Variants in AGBL4 observed in about 807,000 individuals in gnomAD.
The protein encoded by AGBL4 is AGBL carboxypeptidase 4.
In AGBL4, 58 loss-of-function variants were observed where a neutral mutation model predicts 66.4. The observed-to-expected ratio is 0.87, with a 90% confidence interval of 0.71 to 1.09. The LOEUF is 1.09. AGBL4 is among the 50% of genes least tolerant of loss of function. AGBL4 has a pLI of 0.00. For missense variants in AGBL4, 579 were observed against 631.0 expected, an observed-to-expected ratio of 0.92 and a Z score of 0.88; for synonymous variants, 234 against 222.9, an observed-to-expected ratio of 1.05 and a Z score of -0.44.
At chr1:49,843,489 T>C (rs1325519968) in intron 2 of AGBL4, among the ~76,000 whole-genome samples, 1 of 152,218 alleles carries the variant, frequency 6.6e-6, no homozygotes, top group Non-Finnish European at 1.5e-5. Flanking sequence ...CCACATTCCT[T>C]GGCTATGGCC....
rs190927741 is a variant in AGBL4 at position 48,713,470 on chromosome 1, G to A, written c.635-50229C>T. 3.5e-3 allele frequency among the ~76,000 whole-genome samples: 535 copies of A among 152,302 alleles called. 2 individuals carry two copies. The highest frequency in any genetic ancestry group is 4.9e-3 in the Non-Finnish European group (336 of 68,026). ...GGGGGTGCTGCGTCCGCAGTGGGAA[G>A]CACAGAGCAGCTCTGGCACTGGAGA... On this transcript the variant is annotated intron_variant, in intron 6 of 13. Coordinates refer to ENST00000371839, the MANE Select transcript of AGBL4 (RefSeq NM_032785.4).
At chr1:49,611,811 A>G (rs1645160834) in intron 3 of AGBL4, among the ~76,000 whole-genome samples, 1 of 152,202 alleles carries the variant, frequency 6.6e-6, no homozygotes, top group South Asian at 2.1e-4. Flanking sequence ...AAGAAAATAC[A>G]TTGTTCAGGT....
intron 3 of AGBL4, among the ~76,000 whole-genome samples, chr1:49,597,679 A>G (rs1644876853): frequency 6.6e-6 from 1 of 152,222 alleles, no homozygotes; most frequent in Non-Finnish European, 1.5e-5. Flanking sequence ...AAAGAGTGGC[A>G]TTACCTGTCC....
intron 5 of AGBL4, among the ~76,000 whole-genome samples, chr1:48,944,096 C>A (rs1463309708): frequency 2.0e-5 from 3 of 152,102 alleles, no homozygotes; most frequent in Admixed American, 1.3e-4. Flanking sequence ...AGGCACTGGC[C>A]TGCCTCATTG....
intron 11 of AGBL4, among the ~76,000 whole-genome samples, chr1:48,559,395 A>G (rs1644364806): frequency 6.6e-6 from 1 of 152,174 alleles, no homozygotes. Context: ...ATAGTCAACC[A>G]GACAATAAGA....
At chr1:49,359,534 T>A (rs539419436) in intron 3 of AGBL4, among the ~76,000 whole-genome samples, 2 of 152,162 alleles carry the variant, frequency 1.3e-5, no homozygotes, top group Non-Finnish European at 2.9e-5. Context: ...CTAGCTTGTG[T>A]CAGGGGCTAT....
At chr1:49,704,343 T>G (rs965771945) in intron 2 of AGBL4, among the ~76,000 whole-genome samples, 2 of 152,086 alleles carry the variant, frequency 1.3e-5, no homozygotes, top group Admixed American at 6.6e-5. Flanking sequence ...ATGAGCAATT[T>G]ACTTTAACAA....
intron 3 of AGBL4, among the ~76,000 whole-genome samples, chr1:49,503,903 G>A (rs1648434323): frequency 6.6e-6 from 1 of 152,124 alleles, no homozygotes; most frequent in African/African-American, 2.4e-5. Context: ...ATGCTGGAAT[G>A]CATGAAGACT....
At chr1:49,061,561 A>G (rs1300210715) in intron 4 of AGBL4, among the ~76,000 whole-genome samples, 1 of 152,166 alleles carries the variant, frequency 6.6e-6, no homozygotes, top group African/African-American at 2.4e-5. Context: ...AGGAAGTCCT[A>G]CCTAATGGTG....
chr1:49,262,342 A>G (rs1653269695), intron 3 of AGBL4, among the ~76,000 whole-genome samples: 1 of 152,210 alleles, frequency 6.6e-6, no homozygotes, highest in African/African-American at 2.4e-5. Context: ...GCACAGCAAA[A>G]GAAACTACCT....
At chr1:49,939,656 A>G (rs1654522673) in intron 1 of AGBL4, among the ~76,000 whole-genome samples, 1 of 152,238 alleles carries the variant, frequency 6.6e-6, no homozygotes, top group Admixed American at 6.5e-5. Context: ...CCATATGTAG[A>G]AAGCTGAAAT....
chr1:49,931,799 A>T (rs1653390675), intron 1 of AGBL4, among the ~76,000 whole-genome samples: 7 of 152,214 alleles, frequency 4.6e-5, no homozygotes, highest in African/African-American at 1.7e-4. Context: ...GAGGACCTAG[A>T]AGAGCCAAAA....
chr1:49,656,892 C>G (rs1176559406), intron 3 of AGBL4, among the ~76,000 whole-genome samples: 1 of 152,118 alleles, frequency 6.6e-6, no homozygotes, highest in Non-Finnish European at 1.5e-5. Context: ...AAACCCACAG[C>G]CAATATCATA....
At chr1:48,653,578 T>A in intron 7 of AGBL4, 127 bp from the exon 8 acceptor site, 1 of 657,622 alleles carries the variant, frequency 1.5e-6, no homozygotes, top group South Asian at 1.9e-5. Context: ...TTGGCCACTG[T>A]GGGTGTGTGG....
intron 6 of AGBL4, chr1:48,776,742 C>T: frequency 6.5e-7 from 1 of 1,527,930 alleles, no homozygotes; most frequent in Non-Finnish European, 8.8e-7. Context: ...TGTCAAAATC[C>T]AGCCGCGAGC....
chr1:49,969,157 G>A (rs1283927218), intron 1 of AGBL4, among the ~76,000 whole-genome samples: 1 of 152,066 alleles, frequency 6.6e-6, no homozygotes. Flanking sequence ...CAAGTTTCTT[G>A]GTTAAAATAA....
At chr1:49,101,678 T>G (rs1157069801) in intron 4 of AGBL4, among the ~76,000 whole-genome samples, 2 of 152,150 alleles carry the variant, frequency 1.3e-5, no homozygotes, top group African/African-American at 4.8e-5. Context: ...TAAGTGTGTG[T>G]GTATTGATTT....
At chr1:49,125,182 A>AT (rs1379055790) in intron 4 of AGBL4, among the ~76,000 whole-genome samples, 1 of 152,180 alleles carries the variant, frequency 6.6e-6, no homozygotes, top group East Asian at 1.9e-4. Context: ...ATTTTGGTGC[A>AT]TTTTCTGGAA....
chr1:49,343,092 T>C (rs1645573057), intron 3 of AGBL4, among the ~76,000 whole-genome samples: 1 of 152,188 alleles, frequency 6.6e-6, no homozygotes, highest in East Asian at 1.9e-4. Flanking sequence ...TCTTATTTTT[T>C]TGAAAACAAG....
Sources: gnomAD v4.1 joint callset for allele counts (sites outside exome capture counted in the v4.1 genomes callset) on GRCh38, gnomAD v4.1.1 for gene constraint, MANE v1.5 for transcripts, NCBI Gene and HGNC (gene_info 2026-07-23, HGNC 2026-07-21) for gene names.